The following SGCZ variants were observed in gnomAD, a reference collection of about 807,000 sequenced individuals.
SGCZ encodes zeta-sarcoglycan.
In SGCZ, 40 loss-of-function variants were observed where a neutral mutation model predicts 41.3. The ratio of observed to expected loss-of-function variants is 0.97; its 90% CI spans 0.75 to 1.26. SGCZ has a LOEUF of 1.26. Among genes scored for constraint, SGCZ ranks in the 50% most tolerant of loss-of-function variants. The pLI, the probability that SGCZ is intolerant of heterozygous loss-of-function variation, is 0.00. For missense variants in SGCZ, 552 were observed against 369.8 expected (o/e 1.49, Z -4.04); for synonymous variants, 206 against 137.5 (o/e 1.50, Z -3.49).
intron 1 of SGCZ, among the ~76,000 whole-genome samples, chr8:14,708,436 T>C (rs972372133): frequency 1.3e-4 from 20 of 148,326 alleles, no homozygotes; most frequent in South Asian, 6.6e-4. Flanking sequence ...TATGTTCTCT[T>C]TTTTTTTTTA....
chr8:14,663,708 TC>T lies in SGCZ; in HGVS notation c.40-108783del, dbSNP rs149363036. Among the ~76,000 whole-genome samples the T allele has an allele frequency of 1.4e-3, 212 of 152,280 alleles. 2 individuals carry two copies. The highest frequency in any genetic ancestry group is 4.9e-3 in the African/African-American group (204 of 41,584). ...AGCCTTCAACTGATTAAACGATATGTCCCTTGATGTTCAAATAGTATCTTGG... is the reference window on the plus strand; with the variant it reads ...AGCCTTCAACTGATTAAACGATATGTCCTTGATGTTCAAATAGTATCTTGG... On this transcript the variant is annotated intron_variant, in intron 1 of 7. Transcript: ENST00000382080.
intron 5 of SGCZ, among the ~76,000 whole-genome samples, chr8:14,142,633 G>A (rs1054723470): frequency 1.3e-5 from 2 of 152,130 alleles, no homozygotes; most frequent in Non-Finnish European, 2.9e-5. Context: ...TTCAAGACAG[G>A]TGGAGGTGAT....
At chr8:15,002,478 T>C (rs1278620031) in intron 1 of SGCZ, among the ~76,000 whole-genome samples, 1 of 152,120 alleles carries the variant, frequency 6.6e-6, no homozygotes, top group African/African-American at 2.4e-5. Context: ...TCTGGGAATG[T>C]GTGTGGCTGT....
At chr8:14,441,065 G>A (rs1290222701) in intron 2 of SGCZ, among the ~76,000 whole-genome samples, 1 of 151,982 alleles carries the variant, frequency 6.6e-6, no homozygotes, top group Non-Finnish European at 1.5e-5. Flanking sequence ...GTCACTTCAG[G>A]GGTGCACTGA....
intron 1 of SGCZ, among the ~76,000 whole-genome samples, chr8:14,972,443 G>C (rs1384475232): frequency 1.3e-5 from 2 of 152,046 alleles, no homozygotes; most frequent in Non-Finnish European, 2.9e-5. Flanking sequence ...ATTGGGTCTT[G>C]ACATTTATAA....
intron 3 of SGCZ, among the ~76,000 whole-genome samples, chr8:14,245,609 C>G (rs1193116872): frequency 6.6e-6 from 1 of 152,052 alleles, no homozygotes; most frequent in Non-Finnish European, 1.5e-5. Context: ...TCTAATTAAA[C>G]TAAAGAGCTT....
chr8:15,237,121 G>A (rs546755414), intron 1 of SGCZ, among the ~76,000 whole-genome samples: 1 of 152,348 alleles, frequency 6.6e-6, no homozygotes, highest in South Asian at 2.1e-4. Context: ...ATCTCCGAGC[G>A]GAAATGCACT....
chr8:15,195,436 T>C (rs1179011941), intron 1 of SGCZ, among the ~76,000 whole-genome samples: 1 of 152,212 alleles, frequency 6.6e-6, no homozygotes, highest in African/African-American at 2.4e-5. Flanking sequence ...GTCTGTGGTC[T>C]TAGTGCTCGG....
chr8:15,030,281 T>C (rs997025049), intron 1 of SGCZ, among the ~76,000 whole-genome samples: 10 of 152,170 alleles, frequency 6.6e-5, no homozygotes, highest in Admixed American at 5.2e-4. Context: ...TTAACTATGA[T>C]TTAATTGCCA....
At chr8:14,869,657 T>G (rs978271202) in intron 1 of SGCZ, among the ~76,000 whole-genome samples, 1 of 152,156 alleles carries the variant, frequency 6.6e-6, no homozygotes, top group Non-Finnish European at 1.5e-5. Context: ...TTGTCTCTGT[T>G]TGCAGATGAC....
intron 1 of SGCZ, among the ~76,000 whole-genome samples, chr8:15,001,457 T>C (rs535834340): frequency 2.2e-4 from 34 of 152,230 alleles, no homozygotes; most frequent in Admixed American, 1.3e-3. Context: ...AGGCCGGGCA[T>C]GGTGGCTCAC....
At chr8:14,502,855 T>C (rs1368352092) in intron 2 of SGCZ, among the ~76,000 whole-genome samples, 2 of 151,960 alleles carry the variant, frequency 1.3e-5, no homozygotes, top group South Asian at 2.1e-4. Flanking sequence ...TTGGTGGGAG[T>C]GTAAATTCAA....
intron 1 of SGCZ, among the ~76,000 whole-genome samples, chr8:14,602,844 T>C (rs1805636381): frequency 1.3e-5 from 2 of 152,176 alleles, no homozygotes; most frequent in Admixed American, 1.3e-4. Context: ...CTGAAAGGAC[T>C]GTGCTTCATA....
At chr8:14,292,835 TA>T (rs35840441) in intron 3 of SGCZ, among the ~76,000 whole-genome samples, 32,491 of 151,914 alleles carry the variant, frequency 0.21, 3,681 homozygotes, top group East Asian at 0.3. Flanking sequence ...TGCATTATGT[TA>T]CATAGAGTAA....
chr8:14,865,898 A>C (rs893026225), intron 1 of SGCZ, among the ~76,000 whole-genome samples: 11 of 152,160 alleles, frequency 7.2e-5, no homozygotes, highest in African/African-American at 2.7e-4. Flanking sequence ...AGGTGCTTAC[A>C]GTATCACCAA....
intron 1 of SGCZ, among the ~76,000 whole-genome samples, chr8:14,593,167 G>A (rs1359288885): frequency 6.6e-6 from 1 of 152,178 alleles, no homozygotes; most frequent in Non-Finnish European, 1.5e-5. Flanking sequence ...CTCTGTAGAT[G>A]TGAATAAATT....
chr8:14,194,681 A>G (rs111681482), intron 4 of SGCZ, among the ~76,000 whole-genome samples: 6,010 of 152,130 alleles, frequency 0.04, 134 homozygotes, highest in Middle Eastern at 0.068. Flanking sequence ...AATACAAAAT[A>G]TATAATTCTG....
chr8:14,251,884 A>G lies in SGCZ; in HGVS notation c.337-14205T>C, dbSNP rs951765906. The stretch of plus-strand genomic sequence containing the variant: ...GCGCTCACCACCACCTAATTTTTGT[A>G]CTTTTAGTAGAGACGGGGTTTTGCA... On this transcript the variant is annotated intron_variant, in intron 3 of 7. Transcript: ENST00000382080. Among the ~76,000 whole-genome samples, 20 of 151,994 alleles carry G rather than the reference A, an allele frequency of 1.3e-4. 1 individual carries two copies. Among genetic ancestry groups the G allele is most frequent in the African/African-American group, 2.4e-5 (1 of 41,396 alleles).
chr8:14,266,063 A>C (rs1409675604), intron 3 of SGCZ, among the ~76,000 whole-genome samples: 1 of 152,120 alleles, frequency 6.6e-6, no homozygotes, highest in Non-Finnish European at 1.5e-5. Flanking sequence ...ATATTCAAAG[A>C]GATAATAACA....
Sources: allele counts gnomAD v4.1 joint callset (sites outside exome capture counted in the v4.1 genomes callset), GRCh38; gene constraint gnomAD v4.1.1; transcripts MANE v1.5; gene names NCBI Gene and HGNC (gene_info 2026-07-23, HGNC 2026-07-21).